Variants in CCDC102B observed in about 807,000 individuals in gnomAD.
CCDC102B encodes coiled-coil domain-containing protein 102B.
A neutral mutation model predicts 57.4 loss-of-function variants in CCDC102B; 75 were observed. The ratio of observed to expected loss-of-function variants is 1.31; its 90% CI spans 1.08 to 1.58. The LOEUF is 1.58. CCDC102B is among the 40% of genes most tolerant of loss of function. The pLI, the probability that CCDC102B is intolerant of heterozygous loss-of-function variation, is 0.00. For synonymous variants in CCDC102B, 206 were observed against 201.9 expected (o/e 1.02, Z -0.17); for missense variants, 636 against 582.6 (o/e 1.09, Z -0.94).
chr18:68,737,711 G>A (rs2033207260), intron 2 of CCDC102B, among the ~76,000 whole-genome samples: 1 of 152,164 alleles, frequency 6.6e-6, no homozygotes, highest in African/African-American at 2.4e-5. Flanking sequence ...TCTCAATTAT[G>A]TAGCAGCAGC....
At chr18:68,816,441 C>T (rs2036475843) in intron 1 of CCDC102B, among the ~76,000 whole-genome samples, 2 of 147,602 alleles carry the variant, frequency 1.4e-5, no homozygotes, top group South Asian at 4.4e-4. Context: ...TCACTATAGT[C>T]TTCTTCCTAT....
rs762645639 is a variant in CCDC102B, at chr18:68,897,214, T to C, written c.1054-5T>C. The stretch of plus-strand genomic sequence containing the variant: ...ATGCTGCTTCTTTGTGTTTTCTGTG[T>C]GTAGCTAGAGAGATTGCAAGCTGAA... On this transcript the variant is annotated splice_polypyrimidine_tract_variant and splice_region_variant and intron_variant, in intron 5 of 7. Coordinates refer to ENST00000360242, the MANE Select transcript of CCDC102B (RefSeq NM_024781.3). 3 of 1,605,834 alleles carry C rather than the reference T, an allele frequency of 1.9e-6. No homozygotes were observed. The African/African-American group carries it at 4.0e-5, about 22-fold the overall frequency.
At chr18:69,020,498 C>T (rs1477318470) in intron 7 of CCDC102B, among the ~76,000 whole-genome samples, 1 of 152,052 alleles carries the variant, frequency 6.6e-6, no homozygotes, top group African/African-American at 2.4e-5. Flanking sequence ...AAAAATAATA[C>T]TCAAGTGCCA....
intron 4 of CCDC102B, chr18:68,866,740 G>A (rs569527874): frequency 4.7e-5 from 28 of 599,988 alleles, no homozygotes; most frequent in Non-Finnish European, 9.0e-5. Context: ...CCGTGGGTCT[G>A]GTATTGCTTT....
At chr18:68,963,214 C>T (rs1475374583) in intron 6 of CCDC102B, among the ~76,000 whole-genome samples, 1 of 151,838 alleles carries the variant, frequency 6.6e-6, no homozygotes, top group Admixed American at 6.6e-5. Context: ...GGAAGAACCT[C>T]ATAAAATTCA....
intron 2 of CCDC102B, among the ~76,000 whole-genome samples, chr18:68,719,756 A>G (rs2032225244): frequency 6.6e-6 from 1 of 152,224 alleles, no homozygotes; most frequent in Non-Finnish European, 1.5e-5. Flanking sequence ...GAAACATAAC[A>G]TTAACCACAC....
At chr18:68,999,805 T>C (rs902807900) in intron 6 of CCDC102B, among the ~76,000 whole-genome samples, 4 of 152,222 alleles carry the variant, frequency 2.6e-5, no homozygotes, top group African/African-American at 9.6e-5. Context: ...CATCTGATAC[T>C]TGGTCTAGAG....
chr18:69,005,839 G>A (rs1464464896), intron 6 of CCDC102B, among the ~76,000 whole-genome samples: 1 of 151,370 alleles, frequency 6.6e-6, no homozygotes, highest in Non-Finnish European at 1.5e-5. Context: ...CATTTTATGT[G>A]TTTCTTTTCT....
intron 2 of CCDC102B, among the ~76,000 whole-genome samples, chr18:68,716,811 G>A (rs2032030202): frequency 6.6e-6 from 1 of 152,174 alleles, no homozygotes; most frequent in Admixed American, 6.5e-5. Flanking sequence ...TGGCGCGGTG[G>A]CTTACACCTG....
At chr18:68,869,330 G>T (rs2039137733) in intron 4 of CCDC102B, among the ~76,000 whole-genome samples, 1 of 152,148 alleles carries the variant, frequency 6.6e-6, no homozygotes, top group East Asian at 1.9e-4. Flanking sequence ...CAGGAGGGAA[G>T]CAGGAAAACC....
At chr18:68,918,200 A>C (rs543643127) in intron 6 of CCDC102B, among the ~76,000 whole-genome samples, 1 of 152,202 alleles carries the variant, frequency 6.6e-6, no homozygotes, top group African/African-American at 2.4e-5. Flanking sequence ...ATAAATCTCA[A>C]CTTTATCAAG....
At chr18:68,761,693 A>G (rs2885459) in intron 2 of CCDC102B, among the ~76,000 whole-genome samples, 2 of 151,928 alleles carry the variant, frequency 1.3e-5, no homozygotes, top group African/African-American at 4.8e-5. Flanking sequence ...CCTTTAAACA[A>G]TACTTTGTGT....
chr18:68,752,467 G>C lies in CCDC102B; in HGVS notation c.-67+35873G>C, dbSNP rs954618430. On this transcript the variant is annotated intron_variant, in intron 2 of 3. Transcript: ENST00000578970. The stretch of plus-strand genomic sequence containing the variant: ...AAATAAATAAAGAAAAAAGAAAACA[G>C]TGAAAATGTCTGAAAAAAAAAAAAA... Among the ~76,000 whole-genome samples the C allele has an allele frequency of 3.0e-5, 4 of 133,618 alleles. No individual in the cohort carries two copies. The Admixed American group carries it at 3.2e-4, about 11-fold the overall frequency. 87.7% of individuals were successfully genotyped at this position (133,618 alleles called of 152,430 possible).
At chr18:68,771,478 A>G (rs1346292097) in intron 2 of CCDC102B, among the ~76,000 whole-genome samples, 2 of 152,180 alleles carry the variant, frequency 1.3e-5, no homozygotes, top group Non-Finnish European at 2.9e-5. Context: ...TCACCTCTTC[A>G]TCTCAGGATA....
intron 2 of CCDC102B, among the ~76,000 whole-genome samples, chr18:68,782,300 C>T (rs575151070): frequency 6.6e-6 from 1 of 151,836 alleles, no homozygotes; most frequent in Non-Finnish European, 1.5e-5. Context: ...ACCTCTTTGT[C>T]CTTGTTGTGT....
chr18:68,809,995 C>G (rs962460746), intron 1 of CCDC102B, among the ~76,000 whole-genome samples: 2 of 152,088 alleles, frequency 1.3e-5, no homozygotes, highest in African/African-American at 4.8e-5. Context: ...GAAGTAAAGA[C>G]AAATGAAAAT....
At chr18:69,014,984 T>A (rs1368032757) in intron 7 of CCDC102B, among the ~76,000 whole-genome samples, 2 of 147,240 alleles carry the variant, frequency 1.4e-5, no homozygotes, top group African/African-American at 5.3e-5. Context: ...AGAGAGTGTG[T>A]GTGTGTGTGT....
intron 2 of CCDC102B, among the ~76,000 whole-genome samples, chr18:68,784,570 C>T (rs893484953): frequency 6.6e-6 from 1 of 152,102 alleles, no homozygotes; most frequent in East Asian, 1.9e-4. Flanking sequence ...TTTAGAAATT[C>T]ATACCTTATA....
intron 6 of CCDC102B, among the ~76,000 whole-genome samples, chr18:68,959,512 C>T (rs912250725): frequency 3.9e-5 from 6 of 152,058 alleles, no homozygotes; most frequent in Non-Finnish European, 7.4e-5. Flanking sequence ...CTGGTTATTG[C>T]CTACATTCAC....
Sources: gnomAD v4.1 joint callset for allele counts (sites outside exome capture counted in the v4.1 genomes callset) on GRCh38, gnomAD v4.1.1 for gene constraint, MANE v1.5 for transcripts, NCBI Gene and HGNC (gene_info 2026-07-23, HGNC 2026-07-21) for gene names.